Variants in PTP4A3 observed in about 807,000 individuals in gnomAD.
PTP4A3 encodes protein tyrosine phosphatase 4A3, also known as protein tyrosine phosphatase type IVA 3.
A neutral mutation model predicts 15.2 loss-of-function variants in PTP4A3; 9 were observed. The ratio of observed to expected loss-of-function variants is 0.59; its 90% CI spans 0.36 to 1.03. The LOEUF (loss-of-function observed/expected upper bound fraction) is 1.03. Among genes scored for constraint, PTP4A3 ranks in the 50% least tolerant of loss-of-function variants. The probability of loss-of-function intolerance (pLI) is 0.02; values close to 1 mark genes in which losing one functional copy is unlikely to be tolerated. For synonymous variants in PTP4A3, 95 were observed against 102.0 expected (o/e 0.93, Z 0.41); for missense variants, 234 against 252.1 (o/e 0.93, Z 0.49).
intron 1 of PTP4A3, among the ~76,000 whole-genome samples, chr8:141,410,302 T>C (rs1832835557): frequency 6.6e-6 from 1 of 152,188 alleles, no homozygotes; most frequent in Non-Finnish European, 1.5e-5. Context: ...TGGGGTTCGG[T>C]GAGGCACCAT....
chr8:141,423,235 GC>G (rs1457675957), intron 2 of PTP4A3, among the ~76,000 whole-genome samples: 1 of 152,242 alleles, frequency 6.6e-6, no homozygotes, highest in Non-Finnish European at 1.5e-5. Flanking sequence ...CCATCAGGGA[GC>G]CTGGACCCTG....
intron 1 of PTP4A3, among the ~76,000 whole-genome samples, chr8:141,399,463 C>A (rs1027381885): frequency 2.0e-5 from 3 of 152,214 alleles, no homozygotes; most frequent in African/African-American, 7.2e-5. Flanking sequence ...CTGCCCCTCC[C>A]CTCGGTGGCC....
Position 141,418,503 on chromosome 8 carries a change from A to G in PTP4A3, c.-853-2885A>G, listed in dbSNP as rs565422810. 5.9e-5 allele frequency among the ~76,000 whole-genome samples: 9 copies of G among 152,092 alleles called. No homozygotes were observed. In the East Asian group the frequency reaches 1.6e-3, roughly 26 times the overall value. ...TCCCCTCTCCCTGGCTTGTTTCCTC[A>G]TCTCGCAAACAGGGACAAGGATGGA... On this transcript the variant is annotated intron_variant, in intron 1 of 5. Coordinates refer to ENST00000521578, the MANE Select transcript of PTP4A3 (RefSeq NM_032611.3).
In PTP4A3 at chr8:141,418,451, C is replaced by T. The variant is rs113009262; in HGVS notation, c.-853-2937C>T. Among the ~76,000 whole-genome samples the T allele has an allele frequency of 8.1e-3, 1,235 of 152,318 alleles. 14 individuals carry two copies. Among genetic ancestry groups the T allele is most frequent in the African/African-American group, 0.028 (1,175 of 41,574 alleles). On this transcript the variant is annotated intron_variant, in intron 1 of 5. Coordinates refer to ENST00000521578, the MANE Select transcript of PTP4A3 (RefSeq NM_032611.3). ...AGAGAGAACCCAGTTAACTGGACGC[C>T]TGGTGTGGCCCTGGTGGAGAATGTT...
chr8:141,413,055 A>G (rs1024585731), intron 1 of PTP4A3, among the ~76,000 whole-genome samples: 3 of 152,024 alleles, frequency 2.0e-5, no homozygotes, highest in African/African-American at 7.3e-5. Flanking sequence ...GGCCATGCGG[A>G]CCCTTGGAGA....
chr8:141,396,826 G>A (rs1374307136), intron 1 of PTP4A3, among the ~76,000 whole-genome samples: 2 of 152,194 alleles, frequency 1.3e-5, no homozygotes, highest in African/African-American at 4.8e-5. Flanking sequence ...TGCATGTGTG[G>A]AGCCGACAAG....
intron 1 of PTP4A3, among the ~76,000 whole-genome samples, chr8:141,399,828 G>A (rs1832541462): frequency 6.6e-6 from 1 of 152,272 alleles, no homozygotes; most frequent in African/African-American, 2.4e-5. Context: ...CTGGGGACGT[G>A]CAATGGCAGC....
intron 1 of PTP4A3, among the ~76,000 whole-genome samples, chr8:141,415,189 G>C (rs1039003291): frequency 1.3e-5 from 2 of 152,098 alleles, no homozygotes; most frequent in Non-Finnish European, 2.9e-5. Flanking sequence ...TGGGCAGGTG[G>C]AAGTGGTGGG....
At chr8:141,403,805 C>A (rs757320884) in intron 1 of PTP4A3, among the ~76,000 whole-genome samples, 1 of 152,280 alleles carries the variant, frequency 6.6e-6, no homozygotes, top group East Asian at 1.9e-4. Context: ...CCTGCCACCA[C>A]GCACTTCAAA....
At chr8:141,409,103 T>C (rs1029497603) in intron 1 of PTP4A3, among the ~76,000 whole-genome samples, 1 of 152,166 alleles carries the variant, frequency 6.6e-6, no homozygotes, top group African/African-American at 2.4e-5. Context: ...GGCCCCAACA[T>C]GAAGGCAGTG....
At chr8:141,408,636 A>C (rs1290060284) in intron 1 of PTP4A3, among the ~76,000 whole-genome samples, 1 of 151,668 alleles carries the variant, frequency 6.6e-6, no homozygotes, top group Non-Finnish European at 1.5e-5. Flanking sequence ...AAAAAAGACT[A>C]AAATGGTGGA....
chr8:141,417,094 T>C (rs1410043120), intron 1 of PTP4A3, among the ~76,000 whole-genome samples: 2 of 152,054 alleles, frequency 1.3e-5, no homozygotes, highest in Admixed American at 6.5e-5. Flanking sequence ...CCCGGCACAA[T>C]GCTCCCAGGA....
chr8:141,417,831 G>C (rs1563733044), intron 1 of PTP4A3, among the ~76,000 whole-genome samples: 1 of 152,002 alleles, frequency 6.6e-6, no homozygotes, highest in Non-Finnish European at 1.5e-5. Context: ...GGGAGCCCCC[G>C]GCAGCCGGGT....
intron 1 of PTP4A3, among the ~76,000 whole-genome samples, chr8:141,395,838 C>G (rs1832437942): frequency 6.6e-6 from 1 of 152,126 alleles, no homozygotes; most frequent in Non-Finnish European, 1.5e-5. Flanking sequence ...CCATGCCCCC[C>G]GGCTCCTCTC....
intron 1 of PTP4A3, among the ~76,000 whole-genome samples, chr8:141,399,598 AC>A (rs1832535359): frequency 6.6e-6 from 1 of 152,020 alleles, no homozygotes; most frequent in Non-Finnish European, 1.5e-5. Context: ...CCTGGGGGAG[AC>A]CCCGGCCCCC....
chr8:141,402,462 G>A (rs369375410), intron 1 of PTP4A3, among the ~76,000 whole-genome samples: 90 of 152,268 alleles, frequency 5.9e-4, no homozygotes, highest in African/African-American at 2.0e-3. Context: ...AGTGTAGCTG[G>A]CTAGGCCCAG....
At chr8:141,423,910 C>G (rs1302805827) in intron 2 of PTP4A3, among the ~76,000 whole-genome samples, 3 of 150,962 alleles carry the variant, frequency 2.0e-5, no homozygotes, top group Non-Finnish European at 4.4e-5. Flanking sequence ...CAATGTGTGA[C>G]CAGGGTTGGG....
At chr8:141,427,456 A>G (rs577779739) in intron 4 of PTP4A3, among the ~76,000 whole-genome samples, 52 of 152,324 alleles carry the variant, frequency 3.4e-4, no homozygotes, top group African/African-American at 1.3e-3. Context: ...CTGCAGAGGG[A>G]GACCCAGGCG....
At chr8:141,393,160 T>A (rs1217954525) in intron 1 of PTP4A3, among the ~76,000 whole-genome samples, 2 of 152,044 alleles carry the variant, frequency 1.3e-5, no homozygotes, top group Non-Finnish European at 2.9e-5. Flanking sequence ...GTTCCTGCAA[T>A]CCTCCCAAGA....
Sources: allele counts gnomAD v4.1 joint callset (sites outside exome capture counted in the v4.1 genomes callset), GRCh38; gene constraint gnomAD v4.1.1; transcripts MANE v1.5; gene names NCBI Gene and HGNC (gene_info 2026-07-23, HGNC 2026-07-21).